ACSM6: variants seen among roughly 807,000 people sequenced by gnomAD.
ACSM6 encodes acyl-CoA synthetase medium chain family member 6, also known as acyl-coenzyme A synthetase ACSM6, mitochondrial.
In ACSM6, 35 loss-of-function variants were observed where a neutral mutation model predicts 51.1. That is an observed-to-expected ratio of 0.69 (90% CI 0.52 to 0.91). The LOEUF is 0.91. Among genes scored for constraint, ACSM6 ranks in the 40% least tolerant of loss-of-function variants. The probability of loss-of-function intolerance (pLI) is 0.00; values close to 1 mark genes in which losing one functional copy is unlikely to be tolerated. For synonymous variants in ACSM6, 172 were observed against 207.3 expected, an observed-to-expected ratio of 0.83 and a Z score of 1.46; for missense variants, 509 against 584.1, an observed-to-expected ratio of 0.87 and a Z score of 1.32.
intron 2 of ACSM6, chr10:95,201,471 T>A (rs571522178): frequency 2.2e-6 from 1 of 455,658 alleles, no homozygotes; most frequent in Admixed American, 2.4e-5. Flanking sequence ...TCCATGTTGC[T>A]GCAAAAGACA....
chr10:95,210,912 A>T, intron 5 of ACSM6, 119 bp downstream of exon 5: 1 of 1,242,742 alleles, frequency 8.0e-7, no homozygotes, highest in Non-Finnish European at 1.1e-6. Flanking sequence ...AAGTGTCAAT[A>T]TTGAGAGAAG....
In ACSM6 at chr10:95,194,574, C is replaced by CTCAGACCA. The variant is rs768073933; in HGVS notation, c.97_104dup (p.Pro36SerfsTer9). 6.4e-7 allele frequency: 1 copy of CTCAGACCA among 1,552,010 alleles called. No homozygotes were observed. The highest frequency in any genetic ancestry group is 1.2e-5 in the South Asian group (1 of 84,056). ...TGCTATCCAAACCAAAAATGTGCTA[C>CTCAGACCA]TCAGACCATCAGACCCCCTGACTCC... On this transcript the variant is annotated frameshift_variant, in exon 2 of 11. Transcript: ENST00000341686. LOFTEE classifies it high-confidence loss of function.
At chr10:95,228,536 C>CTT in intron 10 of ACSM6, 108 bp from the exon 11 acceptor site, 2 of 1,141,862 alleles carry the variant, frequency 1.8e-6, no homozygotes, top group Non-Finnish European at 2.3e-6. Context: ...GGGATCCTGA[C>CTT]TTATTTTTCT....
chr10:95,197,317 C>A (rs1233074622), intron 2 of ACSM6, among the ~76,000 whole-genome samples: 1 of 152,080 alleles, frequency 6.6e-6, no homozygotes, highest in African/African-American at 2.4e-5. Context: ...AGGGGACCGG[C>A]ACTCAGCATA....
chr10:95,228,218 A>C, intron 10 of ACSM6: 1 of 154,370 alleles, frequency 6.5e-6, no homozygotes, highest in Non-Finnish European at 1.4e-5. Flanking sequence ...TTCTGATGGA[A>C]TTTTGGTCAG....
chr10:95,203,326 T>G (rs2133375037), intron 3 of ACSM6, among the ~76,000 whole-genome samples: 1 of 152,290 alleles, frequency 6.6e-6, no homozygotes, highest in African/African-American at 2.4e-5. Flanking sequence ...TGATGAGTTG[T>G]ATAATTATTT....
At chr10:95,207,634 A>G (rs1289478373) in intron 4 of ACSM6, among the ~76,000 whole-genome samples, 2 of 152,182 alleles carry the variant, frequency 1.3e-5, no homozygotes, top group Non-Finnish European at 2.9e-5. Context: ...CCCCAACACA[A>G]GCATCCCTGG....
chr10:95,210,925 A>G (rs1178620248), intron 5 of ACSM6, 132 bp downstream of exon 5: 5 of 1,141,920 alleles, frequency 4.4e-6, no homozygotes, highest in Non-Finnish European at 6.0e-6. Flanking sequence ...GAGAGAAGGA[A>G]CAGGGCTGAG....
Position 95,214,859 on chromosome 10 carries a change from T to C in ACSM6, c.1003T>C (p.Phe335Leu), listed in dbSNP as rs773974511. ...CTTTTGATGCCTCTCCAGCTACAGA[T>C]TCAAGAGTCTGAAGCAGTGTGTGGC... Residue 335 changes from phenylalanine to leucine, a missense_variant, in exon 8 of 11, where the codon TTC becomes CTC. By Grantham distance (22) the Phe-to-Leu change is conservative. Transcript: ENST00000341686. 48 of 1,551,336 alleles carry C rather than the reference T, an allele frequency of 3.1e-5. No individual in the cohort carries two copies. The South Asian group carries it at 3.9e-4, about 13-fold the overall frequency.
chr10:95,226,672 C>T (rs1191988779), intron 10 of ACSM6, among the ~76,000 whole-genome samples: 2 of 152,198 alleles, frequency 1.3e-5, no homozygotes, highest in African/African-American at 4.8e-5. Context: ...TAAAGATGAG[C>T]AGTCCATTTT....
exon 2 of ACSM6, chr10:95,194,565 A>T (rs888327837): frequency 2.6e-6 from 4 of 1,551,836 alleles, no homozygotes; most frequent in Non-Finnish European, 3.5e-6. Context: ...CCAAACCAAA[A>T]ATGTGCTACT....
rs918532409 is a variant in ACSM6 at position 95,220,038 on chromosome 10, T to C, written c.1200+67T>C. 16 of 1,325,532 alleles carry C rather than the reference T, an allele frequency of 1.2e-5. No homozygotes were observed. In the East Asian group the frequency reaches 3.2e-4, roughly 27 times the overall value. 82.1% of individuals were successfully genotyped at this position (1,325,532 alleles called of 1,614,324 possible). On this transcript the variant is annotated intron_variant, in intron 9 of 10. Coordinates refer to ENST00000341686, the Ensembl canonical transcript of ACSM6. Reference sequence around the variant, plus strand: ...GAGCTCTTACAGTTGTTTATCTAAATTTCTGACATAAAGGTAGGCAATGAG... The same window carrying C: ...GAGCTCTTACAGTTGTTTATCTAAACTTCTGACATAAAGGTAGGCAATGAG...
intron 5 of ACSM6, among the ~76,000 whole-genome samples, chr10:95,211,377 C>A (rs985602261): frequency 6.6e-6 from 1 of 152,214 alleles, no homozygotes; most frequent in Admixed American, 6.5e-5. Flanking sequence ...AGTTTCCCCA[C>A]CTTACATTCA....
At chr10:95,228,774 A>T in exon 11 of ACSM6, 1 of 1,551,224 alleles carries the variant, frequency 6.4e-7, no homozygotes, top group South Asian at 1.2e-5. Context: ...GCATTGGGTC[A>T]GAGATTGTGA....
intron 9 of ACSM6, among the ~76,000 whole-genome samples, chr10:95,224,937 C>A (rs2035024759): frequency 6.6e-6 from 1 of 152,134 alleles, no homozygotes; most frequent in Admixed American, 6.5e-5. Context: ...GGCAATGGAG[C>A]CCTTACCTGT....
chr10:95,228,856 T>C, exon 11 of ACSM6: 1 of 1,336,344 alleles, frequency 7.5e-7, no homozygotes, highest in South Asian at 1.9e-5. Flanking sequence ...TTCCAATACG[T>C]AGGAATTATA....
intron 9 of ACSM6, among the ~76,000 whole-genome samples, chr10:95,224,141 A>G (rs902150655): frequency 2.0e-5 from 3 of 152,212 alleles, no homozygotes; most frequent in African/African-American, 7.2e-5. Context: ...TTCTTTTCCC[A>G]AAGTCTAAAG....
intron 7 of ACSM6, 69 bp downstream of exon 7, chr10:95,213,009 T>C (rs1248509674): frequency 7.4e-7 from 1 of 1,351,174 alleles, no homozygotes; most frequent in Non-Finnish European, 1.1e-6. Flanking sequence ...TAGGACCCCT[T>C]AATTTGTTGA....
exon 11 of ACSM6, chr10:95,228,894 C>A: frequency 2.6e-6 from 3 of 1,147,700 alleles, no homozygotes; most frequent in South Asian, 2.5e-5. Flanking sequence ...ATGCAAACAA[C>A]CAAAAATAAA....
Sources: allele counts gnomAD v4.1 joint callset (sites outside exome capture counted in the v4.1 genomes callset), GRCh38; gene constraint gnomAD v4.1.1; transcripts MANE v1.5; gene names NCBI Gene and HGNC (gene_info 2026-07-23, HGNC 2026-07-21).